WDTC1: variants seen among roughly 807,000 people sequenced by gnomAD.
The protein encoded by WDTC1 is WD and tetratricopeptide repeats 1.
WDTC1 carries 12 observed loss-of-function variants against 76.0 expected under a neutral mutation model. The observed-to-expected ratio is 0.16, with a 90% CI of 0.10 to 0.26. The LOEUF (loss-of-function observed/expected upper bound fraction) is 0.26. Ranked by LOEUF, WDTC1 falls within the 10% of genes least tolerant of loss-of-function variation. The pLI is 1.00. For synonymous variants in WDTC1, 326 were observed against 350.8 expected, an observed-to-expected ratio of 0.93 and a Z score of 0.79; for missense variants, 511 against 908.8, an observed-to-expected ratio of 0.56 and a Z score of 5.63.
At chr1:27,239,969 A>C (rs1557473146) in intron 1 of WDTC1, among the ~76,000 whole-genome samples, 1 of 149,070 alleles carries the variant, frequency 6.7e-6, no homozygotes, top group Non-Finnish European at 1.5e-5. Context: ...GCTCACTGCA[A>C]CCTCCGCCTC....
chr1:27,267,440 C>T (rs969503399), intron 3 of WDTC1, among the ~76,000 whole-genome samples: 46 of 151,992 alleles, frequency 3.0e-4, no homozygotes, highest in Non-Finnish European at 8.8e-5. Flanking sequence ...GATGGAGTTT[C>T]GCCAAGTTGG....
intron 3 of WDTC1, among the ~76,000 whole-genome samples, chr1:27,265,572 G>A (rs1460498657): frequency 1.3e-5 from 2 of 151,942 alleles, no homozygotes; most frequent in African/African-American, 2.4e-5. Flanking sequence ...AATCACTTGG[G>A]CCCAGGAGGT....
In WDTC1 at chr1:27,305,196, G is replaced by A. The variant is rs767975794; in HGVS notation, c.1836+3G>A. The A allele has an allele frequency of 2.5e-6, 4 of 1,612,872 alleles. No homozygotes were observed. In the Admixed American group the frequency reaches 5.0e-5, roughly 20 times the overall value. On this transcript the variant is annotated splice_donor_region_variant and intron_variant, in intron 15 of 15. Transcript: ENST00000319394. This position sits in a 1 kb window ranked among gnomAD's most constrained non-coding sequence, Gnocchi z 4.6. ...GGCTCTGGAACCCCCGACCAGAGGT[G>A]AGGGTGCAGAGCCAAGCAGAGAGGA...
At chr1:27,240,807 T>A (rs1405138304) in intron 1 of WDTC1, among the ~76,000 whole-genome samples, 1 of 151,988 alleles carries the variant, frequency 6.6e-6, no homozygotes, top group African/African-American at 2.4e-5. Context: ...AAACCCTGTC[T>A]CTACTAAAAA....
rs2147992891 is a variant in WDTC1 at position 27,301,893 on chromosome 1, A to G, written c.1468+432A>G. Among the ~76,000 whole-genome samples the G allele has an allele frequency of 6.6e-6, 1 of 152,322 alleles. No individual in the cohort carries two copies. Among genetic ancestry groups the G allele is most frequent in the East Asian group, 1.9e-4 (1 of 5,188 alleles). On this transcript the variant is annotated intron_variant, in intron 13 of 15. Transcript: ENST00000319394. This position sits in a 1 kb window ranked among gnomAD's most constrained non-coding sequence, Gnocchi z 5.8. ...AGCAGAGACAATAGCGCAGAGCAGT[A>G]GAAATGCCTCAGGCTTGGAATGTGG...
At chr1:27,249,162 C>T (rs778764373) in intron 1 of WDTC1, among the ~76,000 whole-genome samples, 8 of 150,994 alleles carry the variant, frequency 5.3e-5, no homozygotes, top group Non-Finnish European at 8.8e-5. Context: ...CCAGCTACTC[C>T]GGAGGCTGAG....
intron 1 of WDTC1, among the ~76,000 whole-genome samples, chr1:27,260,169 A>G (rs2012430873): frequency 6.6e-6 from 1 of 152,036 alleles, no homozygotes; most frequent in Non-Finnish European, 1.5e-5. Flanking sequence ...CAGTGGCGCA[A>G]TCTCGGCTCA....
upstream of WDTC1, chr1:27,234,490 C>G (rs1471951182): frequency 3.1e-6 from 1 of 326,980 alleles, no homozygotes; most frequent in Non-Finnish European, 5.6e-6. Flanking sequence ...CCGCCGGCAG[C>G]AGACGTTGAC....
chr1:27,293,915 T>G, intron 7 of WDTC1, 107 bp from the exon 8 acceptor site: 2 of 1,050,492 alleles, frequency 1.9e-6, no homozygotes, highest in Non-Finnish European at 2.8e-6. Context: ...GAAAAATACC[T>G]CCTGTATGTC....
At chr1:27,272,179 G>A (rs1470850192) in intron 3 of WDTC1, among the ~76,000 whole-genome samples, 1 of 151,944 alleles carries the variant, frequency 6.6e-6, no homozygotes, top group Non-Finnish European at 1.5e-5. Flanking sequence ...CCGGCAGGCA[G>A]AGGTTGTGGT....
intron 1 of WDTC1, among the ~76,000 whole-genome samples, chr1:27,254,333 AC>A (rs1463815515): frequency 6.6e-6 from 1 of 152,256 alleles, no homozygotes; most frequent in Admixed American, 6.5e-5. Context: ...GTGGTGGCTC[AC>A]GCCTGTAATC....
Position 27,253,452 on chromosome 1 carries a change from C to G in WDTC1, c.-99-7504C>G, listed in dbSNP as rs547527790. On this transcript the variant is annotated intron_variant, in intron 1 of 15. Coordinates refer to ENST00000319394, the MANE Select transcript of WDTC1 (RefSeq NM_001276252.2). ...TCCCTCCTCCTCCTTCCTCCTCCTT[C>G]CTCTTCTCTTCTTCCTCTTCCTCTT... 5.5e-5 allele frequency among the ~76,000 whole-genome samples: 7 copies of G among 126,476 alleles called. No homozygotes were observed. In the South Asian group the frequency reaches 1.6e-3, roughly 30 times the overall value. 83.0% of individuals were successfully genotyped at this position (126,476 alleles called of 152,430 possible).
intron 1 of WDTC1, 28 bp downstream of exon 1, chr1:27,234,979 C>G: frequency 2.6e-6 from 1 of 384,964 alleles, no homozygotes; most frequent in Non-Finnish European, 4.6e-6. Context: ...CCCCTGCCCT[C>G]CGCGGGCGCC....
intron 6 of WDTC1, among the ~76,000 whole-genome samples, chr1:27,289,153 G>C (rs1209885222): frequency 6.7e-6 from 1 of 149,026 alleles, no homozygotes; most frequent in Non-Finnish European, 1.5e-5. Flanking sequence ...CAGTAGGGGC[G>C]GCCGGGCAGA....
At chr1:27,287,904 C>A (rs1328723141) in intron 6 of WDTC1, 43 bp downstream of exon 6, 2 of 1,581,922 alleles carry the variant, frequency 1.3e-6, no homozygotes, top group East Asian at 2.3e-5. Context: ...GCTCCCCCAT[C>A]CCATCATCCT....
chr1:27,243,677 A>G (rs755039350), intron 1 of WDTC1, among the ~76,000 whole-genome samples: 27 of 152,196 alleles, frequency 1.8e-4, no homozygotes, highest in Non-Finnish European at 3.4e-4. Flanking sequence ...TAGGATTATT[A>G]TGAGGAGTCT....
At position 27,244,447 on chromosome 1, in the gene WDTC1, C is replaced by G. The variant is rs776078838; in HGVS notation, c.-100+9496C>G. 1.9e-4 allele frequency among the ~76,000 whole-genome samples: 29 copies of G among 152,156 alleles called. 1 individual carries two copies. The highest frequency in any genetic ancestry group is 1.8e-4 in the Non-Finnish European group (12 of 68,018). On this transcript the variant is annotated intron_variant, in intron 1 of 15. Coordinates refer to ENST00000319394, the MANE Select transcript of WDTC1 (RefSeq NM_001276252.2). The stretch of plus-strand genomic sequence containing the variant: ...CTGGGCTCAAGCAATTCTCCCTCCT[C>G]CCTCCTGCCTCAGCCTTCCTAGTAG...
chr1:27,253,457 TCTCTTCTTCCTCTTC>T (rs1017834510), intron 1 of WDTC1, among the ~76,000 whole-genome samples: 13 of 126,794 alleles, frequency 1.0e-4, no homozygotes, highest in Admixed American at 9.5e-4. Context: ...TCCTTCCTCT[TCTCTTCTTCCTCTTC>T]CTCTTCTTCT....
At chr1:27,268,397 GTTTT>G (rs1393803599) in intron 3 of WDTC1, among the ~76,000 whole-genome samples, 9 of 23,824 alleles carry the variant, frequency 3.8e-4, no homozygotes, top group Admixed American at 6.3e-4. Context: ...ATTTTTTAGG[GTTTT>G]GTTTGTTTGT....
Sources: gnomAD v4.1 joint callset for allele counts (sites outside exome capture counted in the v4.1 genomes callset) on GRCh38, gnomAD v4.1.1 for gene constraint, Gnocchi (gnomAD v3.1) non-coding constraint, MANE v1.5 for transcripts, NCBI Gene and HGNC (gene_info 2026-07-23, HGNC 2026-07-21) for gene names.